SCNN1B: variants seen among roughly 807,000 people sequenced by gnomAD.
SCNN1B encodes sodium channel epithelial 1 subunit beta.
SCNN1B carries 46 observed loss-of-function variants against 65.3 expected under a neutral mutation model. The observed-to-expected ratio is 0.70, with a 90% CI of 0.56 to 0.90. The LOEUF is 0.90. SCNN1B is among the 40% of genes least tolerant of loss of function. The pLI is 0.00. For synonymous variants in SCNN1B, 349 were observed against 330.6 expected (o/e 1.06, Z -0.60); for missense variants, 751 against 830.5 (o/e 0.90, Z 1.18).
chr16:23,299,338 G>A (rs1053989248), upstream of SCNN1B, among the ~76,000 whole-genome samples: 14 of 152,000 alleles, frequency 9.2e-5, no homozygotes, highest in African/African-American at 3.4e-4. Flanking sequence ...AGGATTACAG[G>A]CATTAGCCAC....
intron 1 of SCNN1B, among the ~76,000 whole-genome samples, chr16:23,330,668 G>T (rs1403597519): frequency 6.6e-6 from 1 of 152,148 alleles, no homozygotes; most frequent in Non-Finnish European, 1.5e-5. Flanking sequence ...CAACCCCTGG[G>T]CTTAAGTGAT....
rs185620479 is a variant in SCNN1B, at chr16:23,338,924, T to C, written c.-8-9668T>C. Reference sequence around the variant, plus strand: ...AATGCATCCATTTGAAGCATATTGTTTGATGAGTTTTCACAAGTGTATGCA... The same window carrying C: ...AATGCATCCATTTGAAGCATATTGTCTGATGAGTTTTCACAAGTGTATGCA... On this transcript the variant is annotated intron_variant, in intron 1 of 12. Transcript: ENST00000343070. Among the ~76,000 whole-genome samples, 264 of 152,340 alleles carry C rather than the reference T, an allele frequency of 1.7e-3. 1 individual carries two copies. The highest frequency in any genetic ancestry group is 2.9e-3 in the Non-Finnish European group (197 of 68,032).
chr16:23,340,560 T>C (rs188508396), intron 1 of SCNN1B, among the ~76,000 whole-genome samples: 44 of 152,306 alleles, frequency 2.9e-4, no homozygotes, highest in African/African-American at 1.0e-3. Flanking sequence ...TTTTTTACGT[T>C]TTAATCTTTC....
intron 1 of SCNN1B, among the ~76,000 whole-genome samples, chr16:23,305,565 TA>T (rs1961191506): frequency 5.5e-5 from 3 of 54,188 alleles, no homozygotes; most frequent in South Asian, 6.6e-4. Flanking sequence ...TATATATATA[TA>T]TATATATATA....
intron 2 of SCNN1B, among the ~76,000 whole-genome samples, chr16:23,292,432 C>T (rs745492320): frequency 6.6e-6 from 1 of 152,002 alleles, no homozygotes; most frequent in Non-Finnish European, 1.5e-5. Context: ...CTCCTGACCT[C>T]GTGATCCGCC....
chr16:23,316,392 CCAT>C (rs546766075), intron 1 of SCNN1B, among the ~76,000 whole-genome samples: 1,973 of 141,338 alleles, frequency 0.014, 23 homozygotes, highest in Non-Finnish European at 0.02. Flanking sequence ...ACCATCATCA[CCAT>C]CATCATCATC....
chr16:23,308,793 C>T (rs1961275474), intron 1 of SCNN1B, among the ~76,000 whole-genome samples: 1 of 152,196 alleles, frequency 6.6e-6, no homozygotes, highest in South Asian at 2.1e-4. Flanking sequence ...CCCCCACACC[C>T]ACCTAATTCT....
chr16:23,361,810 TG>T lies in SCNN1B; in HGVS notation c.777-6045del, dbSNP rs1444973877. On this transcript the variant is annotated intron_variant, in intron 4 of 12. Transcript: ENST00000343070. ...TTGTTTGTTTGTTTGTTTTTGTTTT[TG>T]TTTTTTTTGAGATGGGATCTCACTC... is the stretch of plus-strand genomic sequence containing the variant. Among the ~76,000 whole-genome samples the T allele has an allele frequency of 3.3e-5, 5 of 152,162 alleles. No individual in the cohort carries two copies. In the East Asian group the frequency reaches 7.7e-4, roughly 23 times the overall value.
At chr16:23,279,323 G>A (rs117302511) in intron 1 of SCNN1B, among the ~76,000 whole-genome samples, 2,501 of 152,132 alleles carry the variant, frequency 0.016, 36 homozygotes, top group Non-Finnish European at 0.025. Flanking sequence ...CAAGTGATCT[G>A]CCCACCTCAG....
intron 1 of SCNN1B, among the ~76,000 whole-genome samples, chr16:23,316,120 C>T (rs957637902): frequency 1.3e-5 from 2 of 151,518 alleles, no homozygotes; most frequent in Non-Finnish European, 2.9e-5. Context: ...TCACCATCAC[C>T]ACCATCACTA....
rs150562780 is a variant in SCNN1B at position 23,337,539 on chromosome 16, G to A, written c.-8-11053G>A. On this transcript the variant is annotated intron_variant, in intron 1 of 12. Coordinates refer to ENST00000343070, the MANE Select transcript of SCNN1B (RefSeq NM_000336.3). ...ATTATAGGCACCTGTCACCATGCCC[G>A]GCTAATTTTTGTATTTTTAGTAGAG... 5.2e-3 allele frequency among the ~76,000 whole-genome samples: 787 copies of A among 151,656 alleles called. 9 individuals are homozygous for A. Among genetic ancestry groups the A allele is most frequent in the African/African-American group, 0.017 (696 of 41,368 alleles).
In SCNN1B at chr16:23,332,424, T is replaced by C. The variant is rs1961833057; in HGVS notation, c.-8-16168T>C. Among the ~76,000 whole-genome samples, 2 of 152,120 alleles carry C rather than the reference T, an allele frequency of 1.3e-5. 1 individual carries two copies. Among genetic ancestry groups the C allele is most frequent in the Admixed American group, 1.3e-4 (2 of 15,258 alleles). On this transcript the variant is annotated intron_variant, in intron 1 of 12. Transcript: ENST00000343070. ...GTTGATCAGGCTGGTCTTGAACTCC[T>C]GACCTCAGGTAATCCACCCACCTCG...
At chr16:23,294,765 G>A (rs1205125950) in intron 2 of SCNN1B, among the ~76,000 whole-genome samples, 2 of 152,122 alleles carry the variant, frequency 1.3e-5, no homozygotes, top group African/African-American at 4.8e-5. Context: ...GGCCGAGGAG[G>A]GTGGATCACT....
Position 23,377,193 on chromosome 16 carries a change from C to T in SCNN1B, c.1299C>T (p.Ser433=), listed in dbSNP as rs149172890. 2.7e-4 allele frequency: 431 copies of T among 1,614,186 alleles called. No individual in the cohort carries two copies. The highest frequency in any genetic ancestry group is 3.5e-4 in the Admixed American group (21 of 60,024). ...WAHCYSDLQM[S]VAQRETCIGM... Reference sequence around the variant, plus strand: ...ATTGCTACTCAGATCTACAGATGAGCGTGGCGCAGAGAGAGACCTGCATTG... The same window carrying T: ...ATTGCTACTCAGATCTACAGATGAGTGTGGCGCAGAGAGAGACCTGCATTG... Residue 433 remains serine, a synonymous_variant, in exon 9 of 13, where the codon AGC becomes AGT. Transcript: ENST00000343070.
intron 2 of SCNN1B, among the ~76,000 whole-genome samples, chr16:23,294,229 C>T (rs958699470): frequency 4.6e-5 from 7 of 151,872 alleles, no homozygotes; most frequent in Non-Finnish European, 8.8e-5. Context: ...TTTTTAGTCT[C>T]TACTAAAAAT....
intron 7 of SCNN1B, among the ~76,000 whole-genome samples, chr16:23,374,573 CAAAAAAAAAAA>C (rs1168924579): frequency 1.2e-4 from 6 of 48,332 alleles, no homozygotes; most frequent in East Asian, 6.6e-4. Context: ...GACTCCATCT[CAAAAAAAAAAA>C]AAAAAAAAAA....
intron 2 of SCNN1B, among the ~76,000 whole-genome samples, chr16:23,351,736 TGATA>T (rs1404928633): frequency 6.6e-6 from 1 of 152,184 alleles, no homozygotes; most frequent in Non-Finnish European, 1.5e-5. Flanking sequence ...AGATACTTCT[TGATA>T]GATCCATCTC....
chr16:23,380,961 T>G lies in SCNN1B; in HGVS notation c.*160T>G. ...GAGAGGCCAGCGGCAACTGGTCCGT[T>G]ACTGGCCAAGGGCTCTGTAGAATCA... is the stretch of plus-strand genomic sequence containing the variant. On this transcript the variant is annotated 3_prime_UTR_variant, in exon 13 of 13. Coordinates refer to ENST00000343070, the MANE Select transcript of SCNN1B (RefSeq NM_000336.3). The surrounding 1 kb of genome is among the most constrained non-coding windows in gnomAD (Gnocchi z 5.4). The G allele has an allele frequency of 1.3e-6, 1 of 785,634 alleles. No homozygotes were observed. The allele number at this position is 785,634 out of a possible 1,614,324, so 48.7% of individuals were successfully genotyped here. A position where few individuals can be genotyped will look rare whatever the true frequency, so the allele number is the denominator to read the frequency against.
chr16:23,349,620 C>T (rs1418092167), intron 2 of SCNN1B, among the ~76,000 whole-genome samples: 1 of 152,126 alleles, frequency 6.6e-6, no homozygotes, highest in African/African-American at 2.4e-5. Flanking sequence ...CAGGCCAGTG[C>T]CTATTTATCG....
Sources: gnomAD v4.1 joint callset for allele counts (sites outside exome capture counted in the v4.1 genomes callset) on GRCh38, gnomAD v4.1.1 for gene constraint, Gnocchi (gnomAD v3.1) non-coding constraint, MANE v1.5 for transcripts, NCBI Gene and HGNC (gene_info 2026-07-23, HGNC 2026-07-21) for gene names.